CCNB3: variants seen among roughly 807,000 people sequenced by gnomAD.
The protein encoded by CCNB3 is G2/mitotic-specific cyclin-B3.
Under a neutral mutation model 68.0 loss-of-function variants are expected in CCNB3, and 12 were observed. The ratio of observed to expected loss-of-function variants is 0.18; its 90% CI spans 0.11 to 0.29. The LOEUF (loss-of-function observed/expected upper bound fraction) is 0.29, where lower values mean the gene tolerates loss of function less well. Ranked by LOEUF, CCNB3 falls within the 10% of genes least tolerant of loss-of-function variation. The pLI is 1.00. For missense variants in CCNB3, 904 were observed against 993.1 expected (o/e 0.91, Z 1.21); for synonymous variants, 354 against 388.9 (o/e 0.91, Z 1.06).
chrX:50,218,433 GC>G (rs1935615228), intron 1 of CCNB3, among the ~76,000 whole-genome samples: 1 of 110,459 alleles, frequency 9.1e-6, no homozygotes, highest in Admixed American at 9.6e-5. Flanking sequence ...CCTCCCCTAG[GC>G]CCCCACCCCC....
At chrX:50,333,675 C>A (rs782483544) in intron 8 of CCNB3, among the ~76,000 whole-genome samples, 2 of 111,278 alleles carry the variant, frequency 1.8e-5, no homozygotes, top group Non-Finnish European at 3.8e-5. Flanking sequence ...TTACTTACCC[C>A]CCTTCTGCAT....
chrX:50,216,466 C>T (rs1364549714), intron 1 of CCNB3, among the ~76,000 whole-genome samples: 8 of 109,550 alleles, frequency 7.3e-5, no homozygotes, highest in African/African-American at 2.7e-4. Flanking sequence ...GACAGGGTTT[C>T]ACCATGTTAG....
chrX:50,294,340 T>G (rs1372116716), intron 4 of CCNB3, among the ~76,000 whole-genome samples: 2 of 111,426 alleles, frequency 1.8e-5, no homozygotes, highest in East Asian at 5.6e-4. Context: ...TAGTCAGGAT[T>G]AGAGTCTGTG....
intron 5 of CCNB3, among the ~76,000 whole-genome samples, chrX:50,305,331 AATG>A (rs2147054443): frequency 8.9e-6 from 1 of 112,089 alleles, no homozygotes; most frequent in Non-Finnish European, 1.9e-5. Flanking sequence ...AGCCATAAAA[AATG>A]ATGAGTTCAT....
chrX:50,207,595 A>G (rs79380599), intron 1 of CCNB3, among the ~76,000 whole-genome samples: 1 of 111,839 alleles, frequency 8.9e-6, no homozygotes, highest in East Asian at 2.8e-4. Context: ...TCAAGGCCAA[A>G]AACATTGGGT....
rs1245859731 is a variant in CCNB3 at position 50,291,864 on chromosome X, C to T, written c.204+2977C>T. Among the ~76,000 whole-genome samples, 3 of 111,482 alleles carry T rather than the reference C, an allele frequency of 2.7e-5. No individual in the cohort carries two copies. The East Asian group carries it at 8.4e-4, about 31-fold the overall frequency. Reference sequence around the variant, plus strand: ...GACTTGAGGTCCTAAGAAAGAGTTTCCTATTGGACTGTAGTTGTTTATTAT... The same window carrying T: ...GACTTGAGGTCCTAAGAAAGAGTTTTCTATTGGACTGTAGTTGTTTATTAT... On this transcript the variant is annotated intron_variant, in intron 4 of 12. Transcript: ENST00000376042.
intron 1 of CCNB3, among the ~76,000 whole-genome samples, chrX:50,227,208 T>A (rs1208164293): frequency 8.6e-5 from 7 of 81,017 alleles, no homozygotes; most frequent in Non-Finnish European, 1.5e-4. Context: ...AGAATATATA[T>A]AAATATATAC....
In CCNB3 at chrX:50,309,651, G is replaced by A. The variant is rs1450993045; in HGVS notation, c.1482G>A (p.Lys494=). Reference sequence around the variant, plus strand: ...AGAAGCCTTTAATTTTAAAGAGGAAGCATGCCACTCAGGGGACAATGTCCC... The same window carrying A: ...AGAAGCCTTTAATTTTAAAGAGGAAACATGCCACTCAGGGGACAATGTCCC... The part of the protein sequence containing the change: ...PTKKPLILKR[K]HATQGTMSHL... Residue 494 remains lysine, a synonymous_variant, in exon 6 of 13, where the codon AAG becomes AAA. Coordinates refer to ENST00000376042, the MANE Select transcript of CCNB3 (RefSeq NM_033031.3). 1 of 1,210,935 alleles carries A rather than the reference G, an allele frequency of 8.3e-7. No homozygotes were observed. The highest frequency in any genetic ancestry group is 1.8e-5 in the South Asian group (1 of 56,831).
At chrX:50,300,218 C>T (rs1695999745) in intron 5 of CCNB3, among the ~76,000 whole-genome samples, 1 of 111,692 alleles carries the variant, frequency 9.0e-6, no homozygotes, top group Non-Finnish European at 1.9e-5. Context: ...GGTGCAGTTT[C>T]TTCCTATCCT....
rs1015885133 is a variant in CCNB3 at position 50,285,198 on chromosome X, C to T, written c.35C>T (p.Pro12Leu). The T allele has an allele frequency of 2.5e-6, 3 of 1,210,958 alleles. No individual in the cohort carries two copies. In the East Asian group the frequency reaches 8.9e-5, roughly 36 times the overall value. The change falls in exon 3 of 13, where the codon CCT becomes CTT. Residue 12 changes from proline (P) to leucine (L), a missense_variant. Physicochemically the swap from Pro to Leu is moderately conservative, Grantham distance 98. Coordinates refer to ENST00000376042, the MANE Select transcript of CCNB3 (RefSeq NM_033031.3). ...CCACTACCACCCCAGAGCTCCAAAC[C>T]TGTGCCTAAGAAATCTCAGTCCAGC... ...LLPLPPQSSK[P>L]VPKKSQSSKI...
rs375444933 is a variant in CCNB3, at chrX:50,351,601, T to C, written c.4092-6T>C. The C allele has an allele frequency of 1.0e-4, 120 of 1,203,952 alleles. No homozygotes were observed. The Middle Eastern group carries it at 1.2e-3, about 12-fold the overall frequency. The stretch of plus-strand genomic sequence containing the variant: ...TATGCTGAGGAGACCCCTCTTCCTT[T>C]TGCAGGGTCTTCTTTGAAGTCGCCA... On this transcript the variant is annotated splice_polypyrimidine_tract_variant and splice_region_variant and intron_variant, in intron 12 of 12. Transcript: ENST00000376042.
At chrX:50,203,353 C>T, upstream of CCNB3, among the ~76,000 whole-genome samples, 1 of 112,432 alleles carries the variant, frequency 8.9e-6, no homozygotes, top group Non-Finnish European at 1.9e-5. Flanking sequence ...AAATCACTGT[C>T]TGTCTGGTAG....
chrX:50,280,168 A>G (rs1280197523), intron 1 of CCNB3, among the ~76,000 whole-genome samples: 1 of 82,900 alleles, frequency 1.2e-5, no homozygotes, highest in East Asian at 3.6e-4. Flanking sequence ...ATAAATATAT[A>G]TAGAATATAT....
chrX:50,314,255 T>TA (rs1231583801), intron 8 of CCNB3, among the ~76,000 whole-genome samples: 3 of 112,130 alleles, frequency 2.7e-5, no homozygotes, highest in Middle Eastern at 4.6e-3. Context: ...TAAAGTCTTG[T>TA]AAAAGTATAT....
chrX:50,227,161 G>A (rs1935870711), intron 1 of CCNB3, among the ~76,000 whole-genome samples: 1 of 75,940 alleles, frequency 1.3e-5, no homozygotes, highest in Non-Finnish European at 2.3e-5. Flanking sequence ...AATATATGTA[G>A]AATATATATA....
At chrX:50,343,540 C>T (rs1557219892) in intron 9 of CCNB3, among the ~76,000 whole-genome samples, 2 of 111,378 alleles carry the variant, frequency 1.8e-5, no homozygotes, top group Non-Finnish European at 3.8e-5. Flanking sequence ...CCCATCTCTA[C>T]AAAAAAATAA....
At chrX:50,337,477 G>A (rs782599978) in intron 8 of CCNB3, among the ~76,000 whole-genome samples, 3 of 110,527 alleles carry the variant, frequency 2.7e-5, no homozygotes, top group East Asian at 2.9e-4. Context: ...ATCTATATAC[G>A]GGAACTGATC....
intron 9 of CCNB3, among the ~76,000 whole-genome samples, chrX:50,343,651 A>G (rs1278242349): frequency 8.9e-6 from 1 of 111,875 alleles, no homozygotes; most frequent in Non-Finnish European, 1.9e-5. Flanking sequence ...GGCTGTAGTG[A>G]GCTTTGTTCA....
intron 1 of CCNB3, among the ~76,000 whole-genome samples, chrX:50,279,207 A>T (rs1211586570): frequency 5.3e-4 from 1 of 1,880 alleles, no homozygotes; most frequent in Admixed American, 0.019. Flanking sequence ...ATAAATATAT[A>T]GAGTATATAT....
Sources: gnomAD v4.1 joint callset for allele counts (sites outside exome capture counted in the v4.1 genomes callset) on GRCh38, gnomAD v4.1.1 for gene constraint, MANE v1.5 for transcripts, NCBI Gene and HGNC (gene_info 2026-07-23, HGNC 2026-07-21) for gene names.